The following LUC7L2 variants were observed in gnomAD, a reference collection of about 807,000 sequenced individuals.
LUC7L2 encodes the protein LUC7 like 2, pre-mRNA splicing factor.
LUC7L2 carries 25 observed loss-of-function variants against 52.8 expected under a neutral mutation model. The ratio of observed to expected loss-of-function variants is 0.47; its 90% CI spans 0.34 to 0.66. The LOEUF (loss-of-function observed/expected upper bound fraction) is 0.66, where lower values mean the gene tolerates loss of function less well. Among genes scored for constraint, LUC7L2 ranks in the 30% least tolerant of loss-of-function variants. The probability of loss-of-function intolerance (pLI) is 0.01; values close to 1 mark genes in which losing one functional copy is unlikely to be tolerated. For synonymous variants in LUC7L2, 144 were observed against 160.9 expected, an observed-to-expected ratio of 0.89 and a Z score of 0.80; for missense variants, 328 against 497.8, an observed-to-expected ratio of 0.66 and a Z score of 3.25.
chr7:139,346,922 TTCTGCAGTA>T (rs1281013285), intron 1 of LUC7L2, among the ~76,000 whole-genome samples: 228 of 152,378 alleles, frequency 1.5e-3, no homozygotes, highest in African/African-American at 4.9e-3. Context: ...CAATTTCAGC[TTCTGCAGTA>T]GCTCTAATAA....
intron 6 of LUC7L2, among the ~76,000 whole-genome samples, chr7:139,409,337 C>T (rs961405399): frequency 2.0e-5 from 3 of 149,594 alleles, no homozygotes; most frequent in Non-Finnish European, 4.4e-5. Context: ...AAGTAGAAAT[C>T]ATGGAGAAAG....
At chr7:139,379,492 G>A (rs1426950480) in intron 2 of LUC7L2, among the ~76,000 whole-genome samples, 1 of 128,558 alleles carries the variant, frequency 7.8e-6, no homozygotes, top group African/African-American at 2.9e-5. Context: ...TTGCAATTGA[G>A]TTTCATGAAA....
Position 139,402,267 on chromosome 7 carries a change from C to A in LUC7L2, c.366+20C>A. ...GCAAAGGTAAGAATTTTAATCATTT[C>A]ATTAGTACAAAGTATTATTTCGACT... On this transcript the variant is annotated intron_variant, in intron 4 of 9. Transcript: ENST00000354926. 6.4e-7 allele frequency: 1 copy of A among 1,568,610 alleles called. No individual in the cohort carries two copies. Among genetic ancestry groups the A allele is most frequent in the Non-Finnish European group, 8.6e-7 (1 of 1,162,610 alleles).
chr7:139,401,117 A>G (rs1400766571), intron 3 of LUC7L2, among the ~76,000 whole-genome samples: 1 of 152,196 alleles, frequency 6.6e-6, no homozygotes, highest in Non-Finnish European at 1.5e-5. Flanking sequence ...AATGTCTTAT[A>G]TAAATATTGA....
intron 1 of LUC7L2, chr7:139,374,662 C>G: frequency 8.2e-6 from 11 of 1,337,284 alleles, no homozygotes; most frequent in Non-Finnish European, 9.6e-6. Flanking sequence ...TTGAACTGCT[C>G]TGAAGCTATC....
At chr7:139,420,209 A>T (rs530458549) in intron 9 of LUC7L2, among the ~76,000 whole-genome samples, 59 of 148,960 alleles carry the variant, frequency 4.0e-4, no homozygotes, top group Admixed American at 3.6e-3. Flanking sequence ...TAAGTAATTT[A>T]TTTTTTTTTT....
At chr7:139,375,317 T>C in intron 1 of LUC7L2, 2 of 985,396 alleles carry the variant, frequency 2.0e-6, no homozygotes, top group Non-Finnish European at 2.4e-6. Flanking sequence ...ACAGAATGAA[T>C]TTAAATATAC....
chr7:139,382,811 G>T lies in LUC7L2; in HGVS notation c.156+6655G>T, dbSNP rs1801105009. Among the ~76,000 whole-genome samples the T allele has an allele frequency of 2.0e-5, 3 of 152,164 alleles. No individual in the cohort carries two copies. In the South Asian group the frequency reaches 6.2e-4, roughly 32 times the overall value. ...CAGTAGGTTCCGGGTTTTATCCCAGGTGCACCTTTTATGATTTGAAACTCC... is the reference window on the plus strand; with the variant it reads ...CAGTAGGTTCCGGGTTTTATCCCAGTTGCACCTTTTATGATTTGAAACTCC... On this transcript the variant is annotated intron_variant, in intron 2 of 9. Transcript: ENST00000354926.
chr7:139,359,902 CG>C lies in LUC7L2; in HGVS notation c.-359del. ...GCGCGAGGAGCGTGCGCGCTCCCGT[CG>C]TGGCGACGGTGGCGGCGAGCGGCGT... On this transcript the variant is annotated 5_prime_UTR_variant, in exon 1 of 10. Coordinates refer to ENST00000354926, the MANE Select transcript of LUC7L2 (RefSeq NM_016019.5). 2.4e-6 allele frequency: 1 copy of C among 418,356 alleles called. No homozygotes were observed. Among genetic ancestry groups the C allele is most frequent in the Non-Finnish European group, 4.2e-6 (1 of 236,184 alleles). 25.9% of individuals were successfully genotyped at this position (418,356 alleles called of 1,614,324 possible). A position where few individuals can be genotyped will look rare whatever the true frequency, so the allele number is the denominator to read the frequency against.
At chr7:139,402,046 A>G (rs1379072154) in intron 3 of LUC7L2, 91 bp from the exon 4 acceptor site, 5 of 1,369,142 alleles carry the variant, frequency 3.7e-6, no homozygotes, top group South Asian at 1.6e-5. Flanking sequence ...CCATGGTAGC[A>G]TTTTAAAAAG....
At chr7:139,351,174 C>A (rs1799448462) in intron 1 of LUC7L2, among the ~76,000 whole-genome samples, 1 of 152,172 alleles carries the variant, frequency 6.6e-6, no homozygotes, top group Admixed American at 6.5e-5. Context: ...GCTCCTCTGG[C>A]ATGCTGAAGA....
chr7:139,349,145 C>G (rs1417611530), intron 1 of LUC7L2, among the ~76,000 whole-genome samples: 1 of 152,216 alleles, frequency 6.6e-6, no homozygotes, highest in Non-Finnish European at 1.5e-5. Context: ...CAGAGCAAGA[C>G]TGTGTCTCGG....
intron 1 of LUC7L2, among the ~76,000 whole-genome samples, chr7:139,373,636 G>A (rs1800567699): frequency 6.6e-6 from 1 of 151,844 alleles, no homozygotes; most frequent in Non-Finnish European, 1.5e-5. Flanking sequence ...ATACTGCCTG[G>A]TTTGCTATAT....
chr7:139,391,540 A>G (rs1366880376), intron 2 of LUC7L2, among the ~76,000 whole-genome samples: 2 of 152,028 alleles, frequency 1.3e-5, no homozygotes, highest in East Asian at 1.9e-4. Context: ...ATTTTAATGT[A>G]TAGTTTTCAC....
intron 2 of LUC7L2, among the ~76,000 whole-genome samples, chr7:139,383,307 C>T (rs909441982): frequency 4.0e-5 from 6 of 151,756 alleles, no homozygotes; most frequent in Admixed American, 2.0e-4. Context: ...TTAGTAGAGA[C>T]GGGGTTTCTC....
intron 1 of LUC7L2, among the ~76,000 whole-genome samples, chr7:139,369,550 C>T (rs1800335783): frequency 6.6e-6 from 1 of 152,132 alleles, no homozygotes; most frequent in Non-Finnish European, 1.5e-5. Flanking sequence ...CTTTAGTATT[C>T]CTGTTCTCAC....
intron 2 of LUC7L2, among the ~76,000 whole-genome samples, chr7:139,382,365 T>C (rs992185378): frequency 6.6e-6 from 1 of 150,846 alleles, no homozygotes; most frequent in African/African-American, 2.5e-5. Context: ...TTGGGGACTT[T>C]GATATTGTCA....
rs546504736 is a variant in LUC7L2 at position 139,423,281 on chromosome 7, G to A, written c.*941G>A. 13 of 398,976 alleles carry A rather than the reference G, an allele frequency of 3.3e-5. 1 individual carries two copies. Among genetic ancestry groups the A allele is most frequent in the African/African-American group, 1.6e-4 (8 of 48,712 alleles). The allele number at this position is 398,976 out of a possible 1,614,324, so 24.7% of individuals were successfully genotyped here. The stretch of plus-strand genomic sequence containing the variant: ...GCAAGGCACCAAAGGACATAAATAC[G>A]TACTTGCAAAGATTCCAGATGAGCT... On this transcript the variant is annotated 3_prime_UTR_variant, in exon 10 of 10. Transcript: ENST00000354926.
chr7:139,369,882 A>G (rs548658941), intron 1 of LUC7L2, among the ~76,000 whole-genome samples: 1 of 152,294 alleles, frequency 6.6e-6, no homozygotes, highest in South Asian at 2.1e-4. Context: ...ATTAAGAAGG[A>G]TAGCTTTTCT....
Sources: gnomAD v4.1 joint callset for allele counts (sites outside exome capture counted in the v4.1 genomes callset) on GRCh38, gnomAD v4.1.1 for gene constraint, MANE v1.5 for transcripts, NCBI Gene and HGNC (gene_info 2026-07-23, HGNC 2026-07-21) for gene names.